ATP6V1E2: variants seen among roughly 807,000 people sequenced by gnomAD.
The protein encoded by ATP6V1E2 is ATPase H+ transporting V1 subunit E2.
For missense variants in ATP6V1E2, 308 were observed against 273.3 expected (o/e 1.13, Z -0.90); for synonymous variants, 121 against 104.2 (o/e 1.16, Z -0.98).
At chr2:46,521,033 C>A (rs752685534) in intron 4 of ATP6V1E2, among the ~76,000 whole-genome samples, 6 of 152,186 alleles carry the variant, frequency 3.9e-5, no homozygotes, top group Non-Finnish European at 7.3e-5. Flanking sequence ...CTTTGGGAAG[C>A]AGACATTTCC....
At chr2:46,518,360 G>A (rs939793599) in intron 4 of ATP6V1E2, among the ~76,000 whole-genome samples, 1 of 151,976 alleles carries the variant, frequency 6.6e-6, no homozygotes, top group South Asian at 2.1e-4. Context: ...AGGGGAAATG[G>A]GGTTCTGTTC....
In ATP6V1E2 at chr2:46,540,539, G is replaced by T. The variant is rs187919639; in HGVS notation, c.-310+851C>A. Among the ~76,000 whole-genome samples, 9 of 148,336 alleles carry T rather than the reference G, an allele frequency of 6.1e-5. No homozygotes were observed. The East Asian group carries it at 1.8e-3, about 29-fold the overall frequency. On this transcript the variant is annotated intron_variant, in intron 2 of 4. Transcript: ENST00000522587. The stretch of plus-strand genomic sequence containing the variant: ...ACAAATAAAAGGAGAGAAGCAAGCA[G>T]ACAGCCTATGGGACGCTCAGAAACA...
At chr2:46,525,769 A>C (rs1489894556) in intron 4 of ATP6V1E2, among the ~76,000 whole-genome samples, 1 of 152,188 alleles carries the variant, frequency 6.6e-6, no homozygotes, top group Non-Finnish European at 1.5e-5. Flanking sequence ...AATAATTTAC[A>C]TGAAGAATTC....
chr2:46,528,278 A>T (rs1405830942), intron 4 of ATP6V1E2, among the ~76,000 whole-genome samples: 2 of 152,216 alleles, frequency 1.3e-5, no homozygotes, highest in East Asian at 3.8e-4. Flanking sequence ...AAGTTAAATA[A>T]ATTCACCCTT....
At chr2:46,514,883 A>C (rs1487510955) in intron 4 of ATP6V1E2, among the ~76,000 whole-genome samples, 1 of 152,208 alleles carries the variant, frequency 6.6e-6, no homozygotes, top group Non-Finnish European at 1.5e-5. Context: ...TCAAAGACAG[A>C]AAGAGAAAAG....
chr2:46,513,089 A>G (rs1235725676), intron 4 of ATP6V1E2, among the ~76,000 whole-genome samples: 1 of 152,242 alleles, frequency 6.6e-6, no homozygotes, highest in Admixed American at 6.5e-5. Flanking sequence ...CCTAAGACTC[A>G]GATAGCAAGC....
At chr2:46,522,136 T>C (rs1397157344) in intron 4 of ATP6V1E2, among the ~76,000 whole-genome samples, 1 of 151,920 alleles carries the variant, frequency 6.6e-6, no homozygotes, top group African/African-American at 2.4e-5. Flanking sequence ...AATTTTTTTT[T>C]TTAATTAGCC....
In ATP6V1E2 at chr2:46,512,556, C is replaced by T. The variant is rs754588568; in HGVS notation, c.156G>A (p.Lys52=). The change falls in exon 5 of 5, where the codon AAG becomes AAA. Residue 52 remains lysine (K), a synonymous_variant. Transcript: ENST00000522587. Reference sequence around the variant, plus strand: ...CCTTTTTCTCATAATACTCCATAATCTTCAGTCGTTGGGTTTGCACGAGGC... The same window carrying T: ...CCTTTTTCTCATAATACTCCATAATTTTCAGTCGTTGGGTTTGCACGAGGC... ...KGRLVQTQRL[K]IMEYYEKKEK... 6.2e-7 allele frequency: 1 copy of T among 1,614,208 alleles called. No homozygotes were observed. The highest frequency in any genetic ancestry group is 1.1e-5 in the South Asian group (1 of 91,082).
chr2:46,522,980 C>T (rs1666715549), intron 4 of ATP6V1E2, among the ~76,000 whole-genome samples: 1 of 152,106 alleles, frequency 6.6e-6, no homozygotes, highest in Non-Finnish European at 1.5e-5. Flanking sequence ...ATTTGCATTT[C>T]TTTGAAGATC....
In ATP6V1E2 at chr2:46,512,569, G is replaced by T; in HGVS notation, c.143C>A (p.Thr48Asn). ...FNIEKGRLVQ[T>N]QRLKIMEYYE... ...ATACTCCATAATCTTCAGTCGTTGG[G>T]TTTGCACGAGGCGTCCTTTCTCAAT... Residue 48 changes from threonine to asparagine, a missense_variant, in exon 5 of 5, where the codon ACC becomes AAC. By Grantham distance (65) the Thr-to-Asn change is moderately conservative. Transcript: ENST00000522587. The T allele has an allele frequency of 6.2e-7, 1 of 1,614,148 alleles. No individual in the cohort carries two copies. The highest frequency in any genetic ancestry group is 8.5e-7 in the Non-Finnish European group (1 of 1,180,024).
chr2:46,522,011 T>G (rs1666657001), intron 4 of ATP6V1E2, among the ~76,000 whole-genome samples: 1 of 152,120 alleles, frequency 6.6e-6, no homozygotes, highest in African/African-American at 2.4e-5. Context: ...AAAGTATTTT[T>G]TGGCTGGGTG....
Position 46,512,647 on chromosome 2 carries a change from T to A in ATP6V1E2, c.65A>T (p.Glu22Val), listed in dbSNP as rs777543775. 1 of 1,614,094 alleles carries A rather than the reference T, an allele frequency of 6.2e-7. No homozygotes were observed. Among genetic ancestry groups the A allele is most frequent in the East Asian group, 2.2e-5 (1 of 44,906 alleles). ...IKHMMAFIEQEANEKAEEIDA... is the reference protein window; with the variant it reads ...IKHMMAFIEQVANEKAEEIDA... Reference sequence around the variant, plus strand: ...GATTTCCTCTGCTTTCTCATTGGCTTCCTGCTCAATGAAAGCCATCATGTG... The same window carrying A: ...GATTTCCTCTGCTTTCTCATTGGCTACCTGCTCAATGAAAGCCATCATGTG... The change falls in exon 5 of 5, where the codon GAA (glutamate) becomes GTA (valine). Residue 22 changes from glutamate (E) to valine (V), a missense_variant. Transcript: ENST00000522587.
chr2:46,516,824 A>G (rs1426875094), intron 4 of ATP6V1E2, among the ~76,000 whole-genome samples: 1 of 152,218 alleles, frequency 6.6e-6, no homozygotes, highest in African/African-American at 2.4e-5. Context: ...AACATTGCTG[A>G]AAGAAGTTAA....
At position 46,535,004 on chromosome 2, in the gene ATP6V1E2, C is replaced by G. The variant is rs1667373658; in HGVS notation, c.-102+809G>C. 1 of 152,214 alleles carries G rather than the reference C, an allele frequency of 6.6e-6. No homozygotes were observed. The highest frequency in any genetic ancestry group is 1.5e-5 in the Non-Finnish European group (1 of 68,044). 9.4% of individuals were successfully genotyped at this position (152,214 alleles called of 1,614,324 possible). A position where few individuals can be genotyped will look rare whatever the true frequency, so the allele number is the denominator to read the frequency against. The stretch of plus-strand genomic sequence containing the variant: ...GTTTTGCTGTTATATTCTCTCCTTT[C>G]TGATACTCTGCCTTGAAAAGTCTGC... On this transcript the variant is annotated intron_variant, in intron 4 of 4. Coordinates refer to ENST00000522587, the MANE Select transcript of ATP6V1E2 (RefSeq NM_001318063.2). The surrounding 1 kb of genome is among the most constrained non-coding windows in gnomAD (Gnocchi z 4.4).
intron 2 of ATP6V1E2, among the ~76,000 whole-genome samples, chr2:46,540,416 G>A (rs1234798218): frequency 1.5e-5 from 2 of 129,046 alleles, no homozygotes; most frequent in African/African-American, 6.1e-5. Flanking sequence ...GTGACAGAGA[G>A]ACAGAGCAAG....
At position 46,511,958 on chromosome 2, in the gene ATP6V1E2, C is replaced by CAG; in HGVS notation, c.*72_*73insCT. The CAG allele has an allele frequency of 1.5e-6, 2 of 1,308,622 alleles. No individual in the cohort carries two copies. The highest frequency in any genetic ancestry group is 2.1e-6 in the Non-Finnish European group (2 of 951,648). The allele number at this position is 1,308,622 out of a possible 1,614,324, so 81.1% of individuals were successfully genotyped here. ...GAGCATCAAAGAGGAGGAAACACTA[C>CAG]TAGTTTCCTTTCCCCAAAAAACTTA... On this transcript the variant is annotated 3_prime_UTR_variant, in exon 5 of 5. Coordinates refer to ENST00000522587, the MANE Select transcript of ATP6V1E2 (RefSeq NM_001318063.2).
At chr2:46,540,148 C>T (rs987423780) in intron 2 of ATP6V1E2, among the ~76,000 whole-genome samples, 6 of 152,106 alleles carry the variant, frequency 3.9e-5, no homozygotes, top group Non-Finnish European at 7.4e-5. Flanking sequence ...TGTTCTCAGC[C>T]AGATGCAGTG....
At chr2:46,525,715 A>T (rs1402998321) in intron 4 of ATP6V1E2, among the ~76,000 whole-genome samples, 1 of 152,218 alleles carries the variant, frequency 6.6e-6, no homozygotes, top group Non-Finnish European at 1.5e-5. Context: ...TCAGGACTGG[A>T]GAAAGCTAAT....
intron 4 of ATP6V1E2, among the ~76,000 whole-genome samples, chr2:46,533,652 G>A (rs1488859695): frequency 6.6e-6 from 1 of 152,116 alleles, no homozygotes; most frequent in African/African-American, 2.4e-5. Flanking sequence ...ACCATTTCTG[G>A]TGCTCTTCAT....
Sources: allele counts gnomAD v4.1 joint callset (sites outside exome capture counted in the v4.1 genomes callset), GRCh38; gene constraint gnomAD v4.1.1; non-coding constraint Gnocchi (gnomAD v3.1); transcripts MANE v1.5; gene names NCBI Gene and HGNC (gene_info 2026-07-23, HGNC 2026-07-21).